The following CNTN3 variants were observed in gnomAD, a reference collection of about 807,000 sequenced individuals.
CNTN3 encodes contactin 3, also known as contactin-3.
Under a neutral mutation model 119.1 loss-of-function variants are expected in CNTN3, and 60 were observed. The observed-to-expected ratio is 0.50, with a 90% CI of 0.41 to 0.62. The LOEUF is 0.62. CNTN3 is among the 20% of genes least tolerant of loss of function. The probability of loss-of-function intolerance (pLI) is 0.00; values close to 1 mark genes in which losing one functional copy is unlikely to be tolerated. For synonymous variants in CNTN3, 450 were observed against 438.7 expected (o/e 1.03, Z -0.32); for missense variants, 1,101 against 1,242.4 (o/e 0.89, Z 1.71).
At chr3:74,282,140 T>G in intron 20 of CNTN3, among the ~76,000 whole-genome samples, 1 of 152,206 alleles carries the variant, frequency 6.6e-6, no homozygotes, top group East Asian at 1.9e-4. Flanking sequence ...CCATCTTAGA[T>G]TACTTAAAGA....
intron 5 of CNTN3, among the ~76,000 whole-genome samples, chr3:74,387,379 A>G (rs964508151): frequency 2.0e-5 from 3 of 152,368 alleles, no homozygotes; most frequent in Non-Finnish European, 4.4e-5. Context: ...ACAGAATATA[A>G]GCCAATGAAA....
chr3:74,397,035 G>A (rs1173156184), intron 5 of CNTN3, among the ~76,000 whole-genome samples: 1 of 152,160 alleles, frequency 6.6e-6, no homozygotes, highest in Non-Finnish European at 1.5e-5. Context: ...AGCCAGAGAT[G>A]AGAAATCAAG....
At chr3:74,457,239 G>A (rs1383654409) in intron 4 of CNTN3, among the ~76,000 whole-genome samples, 1 of 151,896 alleles carries the variant, frequency 6.6e-6, no homozygotes, top group Non-Finnish European at 1.5e-5. Flanking sequence ...AAAGTGTTTT[G>A]ATTGTTTCCA....
At chr3:74,304,675 T>C (rs1702525025) in intron 13 of CNTN3, among the ~76,000 whole-genome samples, 1 of 152,200 alleles carries the variant, frequency 6.6e-6, no homozygotes. Flanking sequence ...TGTTCACTCT[T>C]GGCACTGACA....
chr3:74,599,137 G>A (rs937296575), intron 1 of CNTN3, among the ~76,000 whole-genome samples: 12 of 152,024 alleles, frequency 7.9e-5, no homozygotes, highest in Non-Finnish European at 1.5e-4. Context: ...ATTCAAGCAG[G>A]GAGAGATCAT....
In CNTN3 at chr3:74,281,218, G is replaced by C. The variant is rs1167930029; in HGVS notation, c.2704+4087C>G. Among the ~76,000 whole-genome samples, 4 of 152,192 alleles carry C rather than the reference G, an allele frequency of 2.6e-5. No homozygotes were observed. In the East Asian group the frequency reaches 7.7e-4, roughly 29 times the overall value. ...GACATTATCAGGATGTCAAGGCAAAGGCAGAAACAGGATGAACAGTGAGAG... is the reference window on the plus strand; with the variant it reads ...GACATTATCAGGATGTCAAGGCAAACGCAGAAACAGGATGAACAGTGAGAG... On this transcript the variant is annotated intron_variant, in intron 20 of 22. Transcript: ENST00000263665.
At chr3:74,536,657 G>A (rs141410196) in intron 1 of CNTN3, among the ~76,000 whole-genome samples, 1 of 152,042 alleles carries the variant, frequency 6.6e-6, no homozygotes, top group Non-Finnish European at 1.5e-5. Context: ...TCAGAGCATG[G>A]ACTCCACTTA....
At chr3:74,461,952 T>C (rs963685347) in intron 4 of CNTN3, among the ~76,000 whole-genome samples, 1 of 152,098 alleles carries the variant, frequency 6.6e-6, no homozygotes, top group Non-Finnish European at 1.5e-5. Context: ...CCAAATCTCA[T>C]GTTGACTTGT....
chr3:74,525,431 C>T (rs1703605488), intron 1 of CNTN3, among the ~76,000 whole-genome samples: 1 of 151,776 alleles, frequency 6.6e-6, no homozygotes, highest in Admixed American at 6.6e-5. Context: ...CACAATCTGA[C>T]TTCTCAGCAT....
At chr3:74,273,541 C>T (rs966085311) in intron 20 of CNTN3, among the ~76,000 whole-genome samples, 1 of 152,198 alleles carries the variant, frequency 6.6e-6, no homozygotes, top group East Asian at 1.9e-4. Flanking sequence ...CATACCCCCA[C>T]TGGGGAAACT....
chr3:74,602,251 G>A (rs538964132), intron 1 of CNTN3, among the ~76,000 whole-genome samples: 19 of 126,110 alleles, frequency 1.5e-4, no homozygotes, highest in Admixed American at 3.2e-4. Context: ...AGCCATGATC[G>A]CACCACTATA....
intron 13 of CNTN3, among the ~76,000 whole-genome samples, chr3:74,323,221 G>A (rs1013853668): frequency 6.6e-6 from 1 of 152,200 alleles, no homozygotes; most frequent in Non-Finnish European, 1.5e-5. Context: ...GATAGTTGAG[G>A]AGGGTGTGTG....
At chr3:74,311,545 G>A (rs2106639968) in intron 13 of CNTN3, among the ~76,000 whole-genome samples, 1 of 152,260 alleles carries the variant, frequency 6.6e-6, no homozygotes, top group East Asian at 1.9e-4. Flanking sequence ...TCTTAATCAT[G>A]TTCAGATCAG....
chr3:74,509,529 C>T (rs918058860), intron 2 of CNTN3, among the ~76,000 whole-genome samples: 1 of 152,132 alleles, frequency 6.6e-6, no homozygotes, highest in African/African-American at 2.4e-5. Flanking sequence ...AACTCCTGAC[C>T]TCGTGATCCA....
Position 74,302,738 on chromosome 3 carries a change from G to A in CNTN3, c.1738C>T (p.Gln580Ter). The change falls in exon 14 of 23, where the codon CAA becomes TAA. Residue 580 changes from glutamine (Q) to a stop codon, truncating the protein, a stop_gained. Transcript: ENST00000263665. LOFTEE classifies it high-confidence loss of function. Reference sequence around the variant, plus strand: ...GATGAAACACTGTCCACCCCCGTTTGCACCATACAAACATATTTCCCACTG... The same window carrying A: ...GATGAAACACTGTCCACCCCCGTTTACACCATACAAACATATTTCCCACTG... Reference protein sequence around the residue: ...KHSGKYVCMVQTGVDSVSSAA... With the variant: ...KHSGKYVCMV 1 of 1,613,238 alleles carries A rather than the reference G, an allele frequency of 6.2e-7. No homozygotes were observed. Among genetic ancestry groups the A allele is most frequent in the Non-Finnish European group, 8.5e-7 (1 of 1,179,486 alleles).
At chr3:74,427,352 A>G (rs1162469044) in intron 4 of CNTN3, among the ~76,000 whole-genome samples, 2 of 152,206 alleles carry the variant, frequency 1.3e-5, no homozygotes, top group East Asian at 1.9e-4. Flanking sequence ...TAGTAGTAGC[A>G]GTCAGAGGGC....
chr3:74,473,711 G>A, intron 4 of CNTN3, among the ~76,000 whole-genome samples: 1 of 152,134 alleles, frequency 6.6e-6, no homozygotes, highest in African/African-American at 2.4e-5. Flanking sequence ...TCAAAACTGT[G>A]GTGAAAATAC....
At chr3:74,397,865 G>C (rs1303407456) in intron 5 of CNTN3, among the ~76,000 whole-genome samples, 1 of 152,214 alleles carries the variant, frequency 6.6e-6, no homozygotes, top group South Asian at 2.1e-4. Context: ...GTATGACTTT[G>C]AGTTCAAGAC....
At chr3:74,518,277 G>C (rs189413145) in intron 2 of CNTN3, among the ~76,000 whole-genome samples, 16 of 151,932 alleles carry the variant, frequency 1.1e-4, no homozygotes, top group African/African-American at 3.4e-4. Context: ...TCTCACATGC[G>C]TACTCTGATA....
Sources: gnomAD v4.1 joint callset for allele counts (sites outside exome capture counted in the v4.1 genomes callset) on GRCh38, gnomAD v4.1.1 for gene constraint, MANE v1.5 for transcripts, NCBI Gene and HGNC (gene_info 2026-07-23, HGNC 2026-07-21) for gene names.